The following KCTD8 variants were observed in gnomAD, a reference collection of about 807,000 sequenced individuals.
The protein encoded by KCTD8 is potassium channel tetramerization domain containing 8, also known as BTB/POZ domain-containing protein KCTD8.
A neutral mutation model predicts 31.5 loss-of-function variants in KCTD8; 27 were observed. That is an observed-to-expected ratio of 0.86 (90% CI 0.63 to 1.18). KCTD8 has a LOEUF of 1.18. KCTD8 is among the 50% of genes most tolerant of loss of function. KCTD8 has a pLI of 0.00. For missense variants in KCTD8, 658 were observed against 647.7 expected (o/e 1.02, Z -0.17); for synonymous variants, 290 against 280.0 (o/e 1.04, Z -0.36).
At chr4:44,197,727 T>A (rs1713990299) in intron 1 of KCTD8, among the ~76,000 whole-genome samples, 1 of 152,118 alleles carries the variant, frequency 6.6e-6, no homozygotes, top group Non-Finnish European at 1.5e-5. Flanking sequence ...AAAATCAGCC[T>A]AAGAATTCTG....
chr4:44,326,796 T>C (rs1473502378), intron 1 of KCTD8, among the ~76,000 whole-genome samples: 1 of 151,830 alleles, frequency 6.6e-6, no homozygotes, highest in African/African-American at 2.4e-5. Context: ...TATATAAACA[T>C]TTGAAGGCAA....
chr4:44,351,959 C>A (rs536967747), intron 1 of KCTD8, among the ~76,000 whole-genome samples: 2 of 151,986 alleles, frequency 1.3e-5, no homozygotes, highest in African/African-American at 4.8e-5. Flanking sequence ...ATAAGTATTT[C>A]TTTTATTTAT....
At chr4:44,189,632 C>T (rs1713700766) in intron 1 of KCTD8, among the ~76,000 whole-genome samples, 1 of 152,030 alleles carries the variant, frequency 6.6e-6, no homozygotes, top group Non-Finnish European at 1.5e-5. Flanking sequence ...CACCCATCTA[C>T]CCATTCCAAC....
chr4:44,355,614 T>G (rs187865355), intron 1 of KCTD8, among the ~76,000 whole-genome samples: 44 of 152,278 alleles, frequency 2.9e-4, no homozygotes, highest in Admixed American at 1.6e-3. Context: ...CATGAAGAAA[T>G]TGTTCTCATT....
chr4:44,174,796 C>T lies in KCTD8; in HGVS notation c.1416G>A (p.Gly472=), dbSNP rs1426245421. 6.3e-7 allele frequency: 1 copy of T among 1,599,734 alleles called. No individual in the cohort carries two copies. The highest frequency in any genetic ancestry group is 1.1e-5 in the South Asian group (1 of 88,488). ...QWQSELLQKY[G]L ...TGCAGGAATGTGACAATTACTATAA[C>T]CCATACTTCTGCAACAGTTCAGATT... Residue 472 remains glycine (G), a synonymous_variant, in exon 2 of 2, where the codon GGG becomes GGA. Coordinates refer to ENST00000360029, the MANE Select transcript of KCTD8 (RefSeq NM_198353.3).
At chr4:44,393,115 C>T (rs1272126261) in intron 1 of KCTD8, among the ~76,000 whole-genome samples, 88 of 151,964 alleles carry the variant, frequency 5.8e-4, no homozygotes, top group Non-Finnish European at 1.5e-5. Context: ...CAGAGTTGTA[C>T]TCCTTGCACA....
chr4:44,351,731 A>G (rs191321058), intron 1 of KCTD8, among the ~76,000 whole-genome samples: 71 of 152,220 alleles, frequency 4.7e-4, no homozygotes, highest in African/African-American at 1.7e-3. Flanking sequence ...CCTTGAAATA[A>G]TGAATGTGAT....
chr4:44,199,767 C>T (rs549139929), intron 1 of KCTD8, among the ~76,000 whole-genome samples: 3 of 151,950 alleles, frequency 2.0e-5, no homozygotes, highest in Middle Eastern at 3.4e-3. Flanking sequence ...AACAAACCAA[C>T]TGTAAATCTA....
chr4:44,265,991 T>G (rs1450418080), intron 1 of KCTD8, among the ~76,000 whole-genome samples: 2 of 152,190 alleles, frequency 1.3e-5, no homozygotes, highest in East Asian at 3.9e-4. Context: ...CCAGGAGAAC[T>G]TCTCCAATCT....
chr4:44,278,064 T>C (rs1716800757), intron 1 of KCTD8, among the ~76,000 whole-genome samples: 1 of 152,040 alleles, frequency 6.6e-6, no homozygotes, highest in Non-Finnish European at 1.5e-5. Flanking sequence ...CTTGAGTTCC[T>C]GACACAGTTA....
chr4:44,285,127 T>G (rs937051187), intron 1 of KCTD8, among the ~76,000 whole-genome samples: 8 of 152,180 alleles, frequency 5.3e-5, no homozygotes, highest in African/African-American at 1.9e-4. Flanking sequence ...ACTGGGCATA[T>G]ACCCAAAGGA....
At chr4:44,321,019 C>T (rs62304848) in intron 1 of KCTD8, among the ~76,000 whole-genome samples, 35,000 of 151,894 alleles carry the variant, frequency 0.23, 4,784 homozygotes, top group Non-Finnish European at 0.31. Flanking sequence ...TTTTACATGC[C>T]GAGAATCTGT....
At chr4:44,261,411 G>C (rs1347698781) in intron 1 of KCTD8, among the ~76,000 whole-genome samples, 1 of 151,930 alleles carries the variant, frequency 6.6e-6, no homozygotes, top group Non-Finnish European at 1.5e-5. Context: ...CATGGGGATA[G>C]ATTTGGTCAC....
intron 1 of KCTD8, among the ~76,000 whole-genome samples, chr4:44,264,545 G>A (rs1192158258): frequency 2.0e-5 from 3 of 152,134 alleles, no homozygotes; most frequent in Admixed American, 6.5e-5. Context: ...CAGGACAGCG[G>A]GTGCAGTGCA....
intron 1 of KCTD8, among the ~76,000 whole-genome samples, chr4:44,324,558 T>C (rs1024976662): frequency 1.3e-5 from 2 of 152,044 alleles, no homozygotes; most frequent in Non-Finnish European, 2.9e-5. Context: ...TCGTAAAACA[T>C]TGACAAATAA....
chr4:44,435,539 G>T (rs546543238), intron 1 of KCTD8, among the ~76,000 whole-genome samples: 1 of 151,956 alleles, frequency 6.6e-6, no homozygotes, highest in Admixed American at 6.6e-5. Flanking sequence ...TTGATAACTT[G>T]CAAGTAAGCA....
At chr4:44,245,606 C>A (rs1715641029) in intron 1 of KCTD8, among the ~76,000 whole-genome samples, 1 of 151,602 alleles carries the variant, frequency 6.6e-6, no homozygotes, top group Admixed American at 6.6e-5. Flanking sequence ...TAATATTTTT[C>A]TCATAATCCA....
intron 1 of KCTD8, among the ~76,000 whole-genome samples, chr4:44,224,455 CT>C (rs1560399246): frequency 6.6e-6 from 1 of 152,188 alleles, no homozygotes; most frequent in Non-Finnish European, 1.5e-5. Flanking sequence ...CTGCCTCCAT[CT>C]TTGCAGTTTC....
intron 1 of KCTD8, among the ~76,000 whole-genome samples, chr4:44,311,454 A>T (rs900784319): frequency 2.0e-5 from 3 of 152,264 alleles, no homozygotes; most frequent in African/African-American, 7.2e-5. Context: ...AACTATAGGT[A>T]TATACAGTAA....
Sources: allele counts gnomAD v4.1 joint callset (sites outside exome capture counted in the v4.1 genomes callset), GRCh38; gene constraint gnomAD v4.1.1; transcripts MANE v1.5; gene names NCBI Gene and HGNC (gene_info 2026-07-23, HGNC 2026-07-21).